Variants in EIF4G3 observed in about 807,000 individuals in gnomAD.
The protein encoded by EIF4G3 is eIF-4-gamma 3.
Under a neutral mutation model 186.4 loss-of-function variants are expected in EIF4G3, and 34 were observed. The ratio of observed to expected loss-of-function variants is 0.18; its 90% CI spans 0.14 to 0.24. The LOEUF is 0.24. EIF4G3 is among the 10% of genes least tolerant of loss of function. EIF4G3 has a pLI of 1.00. For missense variants in EIF4G3, 1,536 were observed against 1,948.5 expected (o/e 0.79, Z 3.99); for synonymous variants, 673 against 679.5 (o/e 0.99, Z 0.15).
At chr1:21,011,659 A>G (rs1178477836) in intron 4 of EIF4G3, among the ~76,000 whole-genome samples, 1 of 152,188 alleles carries the variant, frequency 6.6e-6, no homozygotes, top group African/African-American at 2.4e-5. Flanking sequence ...TACCCTATTA[A>G]TAGCCACAAA....
intron 20 of EIF4G3, among the ~76,000 whole-genome samples, chr1:20,869,434 T>G (rs1207448103): frequency 6.6e-6 from 1 of 151,436 alleles, no homozygotes; most frequent in Non-Finnish European, 1.5e-5. Context: ...TAGCTGGGAT[T>G]ATAGGCATGT....
intron 14 of EIF4G3, among the ~76,000 whole-genome samples, chr1:20,937,052 T>C (rs1573129028): frequency 6.6e-6 from 1 of 152,248 alleles, no homozygotes; most frequent in South Asian, 2.1e-4. Context: ...AACCAATGAA[T>C]TTGTATTTTT....
intron 34 of EIF4G3, among the ~76,000 whole-genome samples, chr1:20,814,794 TCCCCA>T (rs1483208054): frequency 6.0e-5 from 3 of 50,344 alleles, no homozygotes; most frequent in African/African-American, 2.5e-4. Flanking sequence ...CCTCTCCCTC[TCCCCA>T]CAGTCTCCTT....
At chr1:21,082,298 G>A (rs1481908691) in intron 3 of EIF4G3, among the ~76,000 whole-genome samples, 1 of 151,642 alleles carries the variant, frequency 6.6e-6, no homozygotes, top group Non-Finnish European at 1.5e-5. Flanking sequence ...AGTAGGAGGT[G>A]AACTGAGGGT....
At chr1:21,021,719 C>A (rs1557560165) in intron 4 of EIF4G3, among the ~76,000 whole-genome samples, 1 of 152,058 alleles carries the variant, frequency 6.6e-6, no homozygotes, top group Non-Finnish European at 1.5e-5. Flanking sequence ...CAATGCCTGG[C>A]TAATTTTTGT....
In EIF4G3 at chr1:21,055,795, CTG is replaced by C. The variant is rs2094536377; in HGVS notation, c.-195-4803_-195-4802del. 2.6e-5 allele frequency among the ~76,000 whole-genome samples: 4 copies of C among 151,850 alleles called. 1 individual carries two copies. The South Asian group carries it at 8.3e-4, about 32-fold the overall frequency. On this transcript the variant is annotated intron_variant, in intron 3 of 36. Transcript: ENST00000602326. ...AACTAAATACATAAAAAATATAAAC[CTG>C]TACACTAGTATCAACAGAAATATAT...
chr1:20,902,188 T>C (rs1000312975), intron 15 of EIF4G3, among the ~76,000 whole-genome samples: 2 of 151,756 alleles, frequency 1.3e-5, no homozygotes, highest in Admixed American at 6.6e-5. Flanking sequence ...CTCAGCCTCC[T>C]GAGTAGCTGG....
chr1:20,825,251 G>GAAAAAAAAAAAAAA (rs71585786), intron 32 of EIF4G3, 53 bp from the exon 33 acceptor site: 15 of 231,698 alleles, frequency 6.5e-5, no homozygotes, highest in Admixed American at 2.0e-4. Flanking sequence ...AGAAGAAACA[G>GAAAAAAAAAAAAAA]AAAAAAAAAA....
intron 2 of EIF4G3, among the ~76,000 whole-genome samples, chr1:21,159,421 A>G (rs1387982440): frequency 6.6e-6 from 1 of 150,456 alleles, no homozygotes; most frequent in Non-Finnish European, 1.5e-5. Flanking sequence ...TGGGTGACAG[A>G]GCAAGGGTTT....
chr1:21,097,716 T>C (rs1316413023), intron 2 of EIF4G3, among the ~76,000 whole-genome samples: 1 of 152,174 alleles, frequency 6.6e-6, no homozygotes, highest in African/African-American at 2.4e-5. Flanking sequence ...AGTGGAGAAA[T>C]AGTCTTTTCA....
intron 10 of EIF4G3, among the ~76,000 whole-genome samples, chr1:20,977,883 A>G (rs2077168478): frequency 6.6e-6 from 1 of 152,220 alleles, no homozygotes; most frequent in Non-Finnish European, 1.5e-5. Flanking sequence ...GAGGGCTGGC[A>G]CAGACTTACA....
chr1:20,877,779 A>C lies in EIF4G3; in HGVS notation c.2622+1544T>G, dbSNP rs114551815. On this transcript the variant is annotated intron_variant, in intron 20 of 36. Transcript: ENST00000602326. ...GGATTAAAAACAGGGGCTTAAAGAG[A>C]TCAGTAACTATTCTAAGGTCATAAA... Among the ~76,000 whole-genome samples, 1,047 of 152,310 alleles carry C rather than the reference A, an allele frequency of 6.9e-3. 13 individuals carry two copies. The highest frequency in any genetic ancestry group is 0.024 in the African/African-American group (993 of 41,554).
At chr1:20,992,531 A>G (rs1428733861) in intron 7 of EIF4G3, among the ~76,000 whole-genome samples, 3 of 152,156 alleles carry the variant, frequency 2.0e-5, no homozygotes, top group Non-Finnish European at 4.4e-5. Context: ...TTTATGGCAC[A>G]TACTCCTCCT....
chr1:20,824,055 T>G (rs2063032322), intron 33 of EIF4G3, among the ~76,000 whole-genome samples: 1 of 152,268 alleles, frequency 6.6e-6, no homozygotes, highest in Admixed American at 6.5e-5. Context: ...ATCTTCCCAC[T>G]GGGCTATGTG....
At chr1:21,112,292 G>A (rs999248198) in intron 2 of EIF4G3, among the ~76,000 whole-genome samples, 1 of 152,078 alleles carries the variant, frequency 6.6e-6, no homozygotes, top group African/African-American at 2.4e-5. Flanking sequence ...TTCACAACCA[G>A]TAAGAGTTGA....
intron 2 of EIF4G3, among the ~76,000 whole-genome samples, chr1:21,109,123 CACA>C (rs904873573): frequency 3.3e-5 from 5 of 152,036 alleles, no homozygotes; most frequent in Non-Finnish European, 5.9e-5. Flanking sequence ...TAGGCTGACG[CACA>C]ACAATTGCTT....
chr1:21,107,134 G>A (rs915883259), intron 2 of EIF4G3, among the ~76,000 whole-genome samples: 4 of 152,102 alleles, frequency 2.6e-5, no homozygotes, highest in African/African-American at 9.7e-5. Flanking sequence ...CTCAATAAAT[G>A]TTACTATCAT....
intron 11 of EIF4G3, among the ~76,000 whole-genome samples, chr1:20,971,806 G>C (rs542599147): frequency 6.6e-6 from 1 of 152,112 alleles, no homozygotes; most frequent in Admixed American, 6.5e-5. Context: ...GCTAATTTTT[G>C]TATTTTCAGT....
At chr1:21,134,288 T>C (rs945927633) in intron 2 of EIF4G3, among the ~76,000 whole-genome samples, 7 of 152,070 alleles carry the variant, frequency 4.6e-5, no homozygotes, top group East Asian at 1.9e-4. Context: ...CATGTCAAAA[T>C]TGAGATTTAA....
Sources: gnomAD v4.1 joint callset for allele counts (sites outside exome capture counted in the v4.1 genomes callset) on GRCh38, gnomAD v4.1.1 for gene constraint, MANE v1.5 for transcripts, NCBI Gene and HGNC (gene_info 2026-07-23, HGNC 2026-07-21) for gene names.